APPL2: variants seen among roughly 807,000 people sequenced by gnomAD.
APPL2 encodes DCC-interacting protein 13-beta.
Under a neutral mutation model 92.7 loss-of-function variants are expected in APPL2, and 84 were observed. The ratio of observed to expected loss-of-function variants is 0.91; its 90% CI spans 0.76 to 1.09. The LOEUF is 1.09. APPL2 is among the 50% of genes least tolerant of loss of function. APPL2 has a pLI of 0.00. For synonymous variants in APPL2, 291 were observed against 291.0 expected, an observed-to-expected ratio of 1.00 and a Z score of 0.00; for missense variants, 736 against 824.5, an observed-to-expected ratio of 0.89 and a Z score of 1.31.
chr12:105,201,852 C>T (rs1194227343), intron 9 of APPL2, among the ~76,000 whole-genome samples: 3 of 152,234 alleles, frequency 2.0e-5, no homozygotes, highest in East Asian at 1.9e-4. Context: ...AACCATGCCA[C>T]GCTGTCTGGA....
At position 105,174,091 on chromosome 12, in the gene APPL2, C is replaced by G. The variant is rs1489850144; in HGVS notation, c.*223G>C. The G allele has an allele frequency of 1.3e-5, 6 of 455,284 alleles. No homozygotes were observed. Among genetic ancestry groups the G allele is most frequent in the Non-Finnish European group, 1.5e-5 (4 of 271,460 alleles). 28.2% of individuals were successfully genotyped at this position (455,284 alleles called of 1,614,324 possible). A position where few individuals can be genotyped will look rare whatever the true frequency, so the allele number is the denominator to read the frequency against. On this transcript the variant is annotated 3_prime_UTR_variant, in exon 21 of 21. Coordinates refer to ENST00000258530, the MANE Select transcript of APPL2 (RefSeq NM_018171.5). ...TTTTAGCGCAATCTAAGAAAAAAGA[C>G]TTACCACAAAGCACCTAAAATAACA...
chr12:105,220,569 G>A (rs950544755), intron 2 of APPL2, among the ~76,000 whole-genome samples: 2 of 152,014 alleles, frequency 1.3e-5, no homozygotes, highest in Non-Finnish European at 2.9e-5. Context: ...CTTTATTTTA[G>A]TCAACTCTAA....
intron 5 of APPL2, among the ~76,000 whole-genome samples, chr12:105,208,861 T>A (rs1363973858): frequency 2.0e-5 from 3 of 152,200 alleles, no homozygotes; most frequent in Non-Finnish European, 4.4e-5. Context: ...ACCCAACGAT[T>A]GATACCTAAA....
rs745742654 is a variant in APPL2, at chr12:105,189,831, G to A, written c.1407-7C>T. 18 of 1,614,026 alleles carry A rather than the reference G, an allele frequency of 1.1e-5. No homozygotes were observed. Among genetic ancestry groups the A allele is most frequent in the Non-Finnish European group, 1.4e-5 (17 of 1,180,012 alleles). On this transcript the variant is annotated splice_polypyrimidine_tract_variant and splice_region_variant and intron_variant, in intron 15 of 20. Transcript: ENST00000258530. ...ACCAAAAGGGTTGGTACGCCTAGGG[G>A]AATAGCCAGAGTTGAACAAACACGA...
At chr12:105,190,233 T>C in intron 14 of APPL2, 78 bp from the exon 15 acceptor site, 1 of 1,444,780 alleles carries the variant, frequency 6.9e-7, no homozygotes. Context: ...CTGAGGTGAC[T>C]TTTATGAATG....
At chr12:105,198,304 G>A (rs1887847544) in intron 10 of APPL2, among the ~76,000 whole-genome samples, 1 of 152,190 alleles carries the variant, frequency 6.6e-6, no homozygotes, top group African/African-American at 2.4e-5. Context: ...CTGGAGCTGA[G>A]CTGCTCTGAA....
chr12:105,216,221 C>T (rs1889677187), intron 4 of APPL2, among the ~76,000 whole-genome samples: 1 of 151,658 alleles, frequency 6.6e-6, no homozygotes, highest in Non-Finnish European at 1.5e-5. Flanking sequence ...TGTATTAAAC[C>T]CTTTGTAGTA....
At chr12:105,233,106 G>A in intron 1 of APPL2, 1 of 985,444 alleles carries the variant, frequency 1.0e-6, no homozygotes, top group Middle Eastern at 5.2e-4. Flanking sequence ...AAGAGAATAA[G>A]CCCCTGAAGA....
chr12:105,236,091 T>C lies in APPL2; in HGVS notation c.-79A>G. On this transcript the variant is annotated 5_prime_UTR_variant, in exon 1 of 21. Transcript: ENST00000258530. ...GCGGCGGCCGAGAGCACTCCCCGGC[T>C]CTGGGCTCAGGCGACGCGGCGGCCA... The C allele has an allele frequency of 9.4e-7, 1 of 1,069,322 alleles. No homozygotes were observed. 66.2% of individuals were successfully genotyped at this position (1,069,322 alleles called of 1,614,324 possible).
At chr12:105,208,468 C>T (rs1422772280) in intron 5 of APPL2, among the ~76,000 whole-genome samples, 2 of 152,134 alleles carry the variant, frequency 1.3e-5, no homozygotes, top group Admixed American at 6.5e-5. Context: ...GGAGAGGGCA[C>T]GCCGGGGAGG....
intron 17 of APPL2, among the ~76,000 whole-genome samples, chr12:105,179,272 T>A (rs1198630505): frequency 5.9e-5 from 9 of 152,308 alleles, no homozygotes; most frequent in East Asian, 3.9e-4. Flanking sequence ...TTGCTGAGAA[T>A]GATGGTTTCC....
chr12:105,223,163 C>A (rs1329154869), intron 2 of APPL2, among the ~76,000 whole-genome samples: 1 of 152,104 alleles, frequency 6.6e-6, no homozygotes, highest in Non-Finnish European at 1.5e-5. Context: ...TTTAAGTAAT[C>A]CAGCTGCGGT....
intron 2 of APPL2, among the ~76,000 whole-genome samples, chr12:105,221,163 T>A: frequency 6.6e-6 from 1 of 152,252 alleles, no homozygotes; most frequent in Admixed American, 6.5e-5. Context: ...ATCCACGCCC[T>A]GTGCCCTGTG....
chr12:105,216,825 A>G (rs1221120283), intron 4 of APPL2, among the ~76,000 whole-genome samples: 1 of 152,232 alleles, frequency 6.6e-6, no homozygotes, highest in African/African-American at 2.4e-5. Context: ...TAGAAACCGA[A>G]TTCTCAGAAA....
intron 11 of APPL2, among the ~76,000 whole-genome samples, chr12:105,197,310 T>C (rs1887741697): frequency 1.3e-5 from 2 of 152,196 alleles, no homozygotes; most frequent in South Asian, 4.1e-4. Flanking sequence ...ACGATGCTGC[T>C]GCAGTGGAGT....
intron 9 of APPL2, 187 bp downstream of exon 9, chr12:105,203,516 C>A: frequency 1.7e-6 from 1 of 591,580 alleles, no homozygotes; most frequent in Non-Finnish European, 3.0e-6. Context: ...GAAAACTCTG[C>A]CAATGTGCCC....
At chr12:105,186,687 TATATCATATATC>T (rs964384928) in intron 17 of APPL2, among the ~76,000 whole-genome samples, 12 of 56,314 alleles carry the variant, frequency 2.1e-4, no homozygotes, top group South Asian at 1.6e-3. Context: ...ATATCATATA[TATATCATATATC>T]ATATCATATA....
intron 11 of APPL2, among the ~76,000 whole-genome samples, chr12:105,196,409 T>TGTGGA (rs1744351986): frequency 6.7e-6 from 1 of 148,924 alleles, no homozygotes; most frequent in African/African-American, 2.5e-5. Context: ...GCCCTACCTT[T>TGTGGA]GTGGAGGCGT....
At chr12:105,185,756 T>C (rs1302276868) in intron 17 of APPL2, among the ~76,000 whole-genome samples, 1 of 152,168 alleles carries the variant, frequency 6.6e-6, no homozygotes, top group African/African-American at 2.4e-5. Context: ...GACCTCTAAA[T>C]GGTCTCAGAA....
Sources: gnomAD v4.1 joint callset for allele counts (sites outside exome capture counted in the v4.1 genomes callset) on GRCh38, gnomAD v4.1.1 for gene constraint, MANE v1.5 for transcripts, NCBI Gene and HGNC (gene_info 2026-07-23, HGNC 2026-07-21) for gene names.